Variants in TCTN2 observed in about 807,000 individuals in gnomAD.
The protein encoded by TCTN2 is tectonic family member 2.
TCTN2 carries 66 observed loss-of-function variants against 83.4 expected under a neutral mutation model. The ratio of observed to expected loss-of-function variants is 0.79; its 90% CI spans 0.65 to 0.97. TCTN2 has a LOEUF of 0.97. TCTN2 is among the 50% of genes least tolerant of loss of function. The probability of loss-of-function intolerance (pLI) is 0.00; values close to 1 mark genes in which losing one functional copy is unlikely to be tolerated. For synonymous variants in TCTN2, 301 were observed against 326.7 expected (o/e 0.92, Z 0.85); for missense variants, 794 against 858.1 (o/e 0.93, Z 0.93).
At chr12:123,700,308 T>C (rs1369136548) in intron 14 of TCTN2, among the ~76,000 whole-genome samples, 1 of 152,128 alleles carries the variant, frequency 6.6e-6, no homozygotes, top group Non-Finnish European at 1.5e-5. Context: ...CATGAGCCAT[T>C]GCGCCTGGCC....
At chr12:123,707,464 C>G in intron 17 of TCTN2, 140 bp from the exon 18 acceptor site, 2 of 794,364 alleles carry the variant, frequency 2.5e-6, no homozygotes, top group Non-Finnish European at 4.4e-6. Context: ...TGGTCTCGAA[C>G]TGGCCTCAAG....
At chr12:123,705,310 G>A (rs979791553) in intron 15 of TCTN2, among the ~76,000 whole-genome samples, 3 of 151,842 alleles carry the variant, frequency 2.0e-5, no homozygotes, top group African/African-American at 7.3e-5. Context: ...TTACAGGCAC[G>A]TGCCACCATG....
intron 13 of TCTN2, 97 bp from the exon 14 acceptor site, chr12:123,699,607 T>A: frequency 9.7e-7 from 1 of 1,028,082 alleles, no homozygotes; most frequent in Non-Finnish European, 1.5e-6. Flanking sequence ...CAGTTTTTAA[T>A]TTAGGCACTC....
At chr12:123,692,778 T>A in intron 9 of TCTN2, 55 bp downstream of exon 9, 1 of 1,351,788 alleles carries the variant, frequency 7.4e-7, no homozygotes, top group South Asian at 1.2e-5. Context: ...TGTCATTTCT[T>A]ACAAGTAATA....
intron 5 of TCTN2, among the ~76,000 whole-genome samples, chr12:123,683,152 G>A (rs1955920281): frequency 6.6e-6 from 1 of 151,818 alleles, no homozygotes; most frequent in Non-Finnish European, 1.5e-5. Flanking sequence ...GAACCCAGGA[G>A]GCAGAGGTTG....
At chr12:123,691,719 GT>G (rs1334468340) in intron 8 of TCTN2, among the ~76,000 whole-genome samples, 3 of 142,696 alleles carry the variant, frequency 2.1e-5, no homozygotes, top group South Asian at 2.3e-4. Context: ...CCACCAAATT[GT>G]TTTTTTTTTG....
chr12:123,678,526 G>A (rs1033858842), intron 4 of TCTN2, among the ~76,000 whole-genome samples: 1 of 152,070 alleles, frequency 6.6e-6, no homozygotes, highest in Non-Finnish European at 1.5e-5. Flanking sequence ...GACCTCAGGT[G>A]ATCCACCCAC....
chr12:123,692,789 T>C, intron 9 of TCTN2, 66 bp downstream of exon 9: 3 of 1,241,202 alleles, frequency 2.4e-6, no homozygotes, highest in Admixed American at 1.7e-5. Flanking sequence ...ACAAGTAATA[T>C]ATACCCTCAG....
chr12:123,701,567 G>A (rs1282511419), intron 14 of TCTN2, among the ~76,000 whole-genome samples: 2 of 147,980 alleles, frequency 1.4e-5, no homozygotes, highest in Non-Finnish European at 3.0e-5. Flanking sequence ...GTGAAACCCC[G>A]TCTCTACTAA....
chr12:123,697,299 G>A (rs1012890401), intron 13 of TCTN2, 101 bp downstream of exon 13: 18 of 892,882 alleles, frequency 2.0e-5, no homozygotes, highest in Admixed American at 5.3e-5. Context: ...AAAAATTAGA[G>A]TCAATTAAAA....
Position 123,688,105 on chromosome 12 carries a change from C to A in TCTN2, c.819C>A (p.Asp273Glu). ...FEVYVDTDAK[D>E]FADFGYKQGD... The stretch of plus-strand genomic sequence containing the variant: ...TATATGTGGATACTGACGCAAAAGA[C>A]TTTGCAGACTTTGGTTACAAACAAG... The change falls in exon 7 of 18, where the codon GAC becomes GAA. Residue 273 changes from aspartate (D) to glutamate (E), a missense_variant. Transcript: ENST00000303372. 6.2e-7 allele frequency: 1 copy of A among 1,614,038 alleles called. No homozygotes were observed. Among genetic ancestry groups the A allele is most frequent in the Non-Finnish European group, 8.5e-7 (1 of 1,179,952 alleles).
In TCTN2 at chr12:123,687,703, CTG is replaced by C. The variant is rs1955990112; in HGVS notation, c.765-346_765-345del. Among the ~76,000 whole-genome samples, 3 of 150,914 alleles carry C rather than the reference CTG, an allele frequency of 2.0e-5. No individual in the cohort carries two copies. In the South Asian group the frequency reaches 6.3e-4, roughly 32 times the overall value. ...AGAGGCTGGGTGCAGTGGGTCACGTCTGTAATCCCAGCACTTTGGGATGCTGA... is the reference window on the plus strand; with the variant it reads ...AGAGGCTGGGTGCAGTGGGTCACGTCTAATCCCAGCACTTTGGGATGCTGA... On this transcript the variant is annotated intron_variant, in intron 6 of 17. Coordinates refer to ENST00000303372, the MANE Select transcript of TCTN2 (RefSeq NM_024809.5).
chr12:123,704,228 A>G (rs1326343998), intron 14 of TCTN2, among the ~76,000 whole-genome samples: 1 of 151,836 alleles, frequency 6.6e-6, no homozygotes, highest in African/African-American at 2.4e-5. Flanking sequence ...AATGGTCTCG[A>G]TCTCTTGACC....
In TCTN2 at chr12:123,707,945, T is replaced by C; in HGVS notation, c.*232T>C. On this transcript the variant is annotated 3_prime_UTR_variant, in exon 18 of 18. Coordinates refer to ENST00000303372, the MANE Select transcript of TCTN2 (RefSeq NM_024809.5). ...GGCTGCTCTCGAACTCCTGACCTCA[T>C]GATCCGCCCATCTTGGCCTCCCAAA... The C allele has an allele frequency of 1.9e-6, 1 of 525,356 alleles. No individual in the cohort carries two copies. The highest frequency in any genetic ancestry group is 3.4e-6 in the Non-Finnish European group (1 of 290,916). 32.5% of individuals were successfully genotyped at this position (525,356 alleles called of 1,614,324 possible). A position where few individuals can be genotyped will look rare whatever the true frequency, so the allele number is the denominator to read the frequency against.
At chr12:123,675,481 T>G in intron 4 of TCTN2, among the ~76,000 whole-genome samples, 1 of 152,164 alleles carries the variant, frequency 6.6e-6, no homozygotes, top group Non-Finnish European at 1.5e-5. Flanking sequence ...TTACTGCCGC[T>G]TCCCTTATTA....
In TCTN2 at chr12:123,704,539, T is replaced by C; in HGVS notation, c.1620T>C (p.Asp540=). The C allele has an allele frequency of 1.9e-6, 3 of 1,612,022 alleles. No homozygotes were observed. The highest frequency in any genetic ancestry group is 2.5e-6 in the Non-Finnish European group (3 of 1,179,126). Residue 540 remains aspartate, a synonymous_variant, in exon 15 of 18, where the codon GAT becomes GAC. Coordinates refer to ENST00000303372, the MANE Select transcript of TCTN2 (RefSeq NM_024809.5). ...SDGWLEIIRV[D]APDPGADPLA... is the part of the protein sequence containing the mutation. ...AACTTAACATTTCTATAGGTGTAGA[T>C]GCCCCTGATCCAGGTGCAGACCCGC...
At chr12:123,678,828 C>T (rs532130713) in intron 4 of TCTN2, among the ~76,000 whole-genome samples, 1 of 151,410 alleles carries the variant, frequency 6.6e-6, no homozygotes, top group Non-Finnish European at 1.5e-5. Flanking sequence ...CACGGAGTCT[C>T]ACTGTGTCGC....
At chr12:123,705,161 GT>G (rs71308014) in intron 15 of TCTN2, among the ~76,000 whole-genome samples, 4,462 of 117,626 alleles carry the variant, frequency 0.038, 64 homozygotes, top group African/African-American at 0.092. Context: ...GCCTCCATCA[GT>G]TTTTTTTTTT....
chr12:123,684,751 TA>T (rs1299891065), intron 5 of TCTN2, among the ~76,000 whole-genome samples: 1 of 151,848 alleles, frequency 6.6e-6, no homozygotes, highest in African/African-American at 2.4e-5. Flanking sequence ...TAAATTTAAT[TA>T]AAAGAGTAAA....
Sources: gnomAD v4.1 joint callset for allele counts (sites outside exome capture counted in the v4.1 genomes callset) on GRCh38, gnomAD v4.1.1 for gene constraint, MANE v1.5 for transcripts, NCBI Gene and HGNC (gene_info 2026-07-23, HGNC 2026-07-21) for gene names.